The following GPR39 variants were observed in gnomAD, a reference collection of about 807,000 sequenced individuals.
GPR39 encodes zinc sensing receptor.
A neutral mutation model predicts 18.4 loss-of-function variants in GPR39; 23 were observed. That is an observed-to-expected ratio of 1.25 (90% CI 0.90 to 1.77). The LOEUF is 1.77. Among genes scored for constraint, GPR39 ranks in the 40% most tolerant of loss-of-function variants. GPR39 has a pLI of 0.00. For synonymous variants in GPR39, 280 were observed against 257.9 expected (o/e 1.09, Z -0.82); for missense variants, 647 against 602.4 (o/e 1.07, Z -0.78).
chr2:132,423,829 CTG>C (rs1354203237), intron 1 of GPR39, among the ~76,000 whole-genome samples: 1 of 152,224 alleles, frequency 6.6e-6, no homozygotes, highest in African/African-American at 2.4e-5. Context: ...TCCCTCAACA[CTG>C]TACCTCATTC....
At position 132,637,261 on chromosome 2, in the gene GPR39, A is replaced by G. The variant is rs549780362; in HGVS notation, c.857-7840A>G. On this transcript the variant is annotated intron_variant, in intron 1 of 1. Transcript: ENST00000329321. The stretch of plus-strand genomic sequence containing the variant: ...GAAATATGTGTTTGTTATGGTAGTG[A>G]TTGATAGTTTTTCTTCTTGTACTGA... 1.6e-4 allele frequency among the ~76,000 whole-genome samples: 24 copies of G among 152,302 alleles called. No individual in the cohort carries two copies. The South Asian group carries it at 2.5e-3, about 16-fold the overall frequency.
intron 1 of GPR39, among the ~76,000 whole-genome samples, chr2:132,428,646 C>G (rs1246264623): frequency 6.6e-6 from 1 of 152,186 alleles, no homozygotes; most frequent in African/African-American, 2.4e-5. Flanking sequence ...GCATTGTAAG[C>G]AGATCCCTGG....
intron 1 of GPR39, among the ~76,000 whole-genome samples, chr2:132,629,008 T>G (rs1371701463): frequency 1.3e-5 from 2 of 152,158 alleles, no homozygotes; most frequent in African/African-American, 4.8e-5. Context: ...AAGAACAGTA[T>G]CTGGGAGGTT....
chr2:132,617,165 G>T (rs957683246), intron 1 of GPR39, among the ~76,000 whole-genome samples: 1 of 151,946 alleles, frequency 6.6e-6, no homozygotes, highest in Non-Finnish European at 1.5e-5. Context: ...TTCTGATGAT[G>T]GATACTTGGA....
chr2:132,584,272 G>A (rs1338187809), intron 1 of GPR39, among the ~76,000 whole-genome samples: 1 of 152,174 alleles, frequency 6.6e-6, no homozygotes, highest in East Asian at 1.9e-4. Flanking sequence ...ATGTATGCGT[G>A]AAGTCTTAGA....
chr2:132,418,125 A>C (rs540773796), intron 1 of GPR39, among the ~76,000 whole-genome samples: 1 of 152,336 alleles, frequency 6.6e-6, no homozygotes, highest in Admixed American at 6.5e-5. Flanking sequence ...AAAGAGCACG[A>C]GACCAGAACC....
At chr2:132,532,789 T>C (rs1679665586) in intron 1 of GPR39, among the ~76,000 whole-genome samples, 1 of 149,306 alleles carries the variant, frequency 6.7e-6, no homozygotes. Context: ...TTGACAAAAT[T>C]CAACAACCCT....
chr2:132,447,351 G>A (rs1456215723), intron 1 of GPR39, among the ~76,000 whole-genome samples: 1 of 152,210 alleles, frequency 6.6e-6, no homozygotes, highest in Non-Finnish European at 1.5e-5. Context: ...TAAGTGGAAT[G>A]TAAAGAGGAG....
intron 1 of GPR39, among the ~76,000 whole-genome samples, chr2:132,444,593 T>A (rs924592145): frequency 6.6e-6 from 1 of 152,196 alleles, no homozygotes; most frequent in Non-Finnish European, 1.5e-5. Context: ...GGCTATGAGA[T>A]TTTATTCTAA....
At chr2:132,611,597 G>C (rs1348578903) in intron 1 of GPR39, among the ~76,000 whole-genome samples, 1 of 151,100 alleles carries the variant, frequency 6.6e-6, no homozygotes, top group Non-Finnish European at 1.5e-5. Flanking sequence ...CTGCTCCAAA[G>C]GATGCTTGAA....
At chr2:132,517,159 G>C (rs1457781252) in intron 1 of GPR39, among the ~76,000 whole-genome samples, 1 of 152,086 alleles carries the variant, frequency 6.6e-6, no homozygotes, top group Admixed American at 6.5e-5. Context: ...AGGGGTGTGT[G>C]TGTTTGTGTG....
intron 1 of GPR39, among the ~76,000 whole-genome samples, chr2:132,590,097 C>T (rs1558850331): frequency 6.6e-6 from 1 of 152,186 alleles, no homozygotes; most frequent in African/African-American, 2.4e-5. Context: ...TGTTCTTTGA[C>T]ATAATACTGA....
At chr2:132,440,428 C>T (rs191728800) in intron 1 of GPR39, among the ~76,000 whole-genome samples, 2 of 152,176 alleles carry the variant, frequency 1.3e-5, no homozygotes, top group Admixed American at 1.3e-4. Flanking sequence ...CCTTTTTGCT[C>T]CTTCCTAGGG....
intron 1 of GPR39, among the ~76,000 whole-genome samples, chr2:132,641,914 A>G (rs1402213549): frequency 2.0e-5 from 3 of 152,260 alleles, no homozygotes; most frequent in Non-Finnish European, 4.4e-5. Context: ...AAAAAAATAC[A>G]CAGCATGGAT....
intron 1 of GPR39, among the ~76,000 whole-genome samples, chr2:132,582,264 T>G (rs1282960733): frequency 1.3e-5 from 2 of 152,178 alleles, no homozygotes; most frequent in Non-Finnish European, 2.9e-5. Context: ...GGCTATAGAT[T>G]ACAAACAAAA....
chr2:132,543,568 G>A (rs1052086919), intron 1 of GPR39, among the ~76,000 whole-genome samples: 8 of 152,138 alleles, frequency 5.3e-5, no homozygotes, highest in Non-Finnish European at 1.2e-4. Context: ...TAACCCTTAG[G>A]TCACCTGCCT....
At chr2:132,601,876 G>A (rs1317774040) in intron 1 of GPR39, among the ~76,000 whole-genome samples, 3 of 151,960 alleles carry the variant, frequency 2.0e-5, no homozygotes, top group Non-Finnish European at 4.4e-5. Flanking sequence ...TATCTGCAAT[G>A]AAAACTACAA....
intron 1 of GPR39, among the ~76,000 whole-genome samples, chr2:132,477,748 G>C (rs1438849213): frequency 6.6e-6 from 1 of 152,202 alleles, no homozygotes; most frequent in South Asian, 2.1e-4. Context: ...TCTGTGGCAT[G>C]TTACAGACCC....
chr2:132,645,200 T>A lies in GPR39; in HGVS notation c.956T>A (p.Phe319Tyr). The A allele has an allele frequency of 1.2e-6, 2 of 1,614,196 alleles. No individual in the cohort carries two copies. The highest frequency in any genetic ancestry group is 1.7e-6 in the Non-Finnish European group (2 of 1,180,042). ...AAGCACGACTGGACGAGGTCCTACT[T>A]CCGGGCGTACATGATCCTCCTCCCC... The part of the protein sequence containing the change: ...KPKHDWTRSY[F>Y]RAYMILLPFS... The change falls in exon 2 of 2, where the codon TTC (phenylalanine) becomes TAC (tyrosine). Residue 319 changes from phenylalanine to tyrosine, a missense_variant. Physicochemically the swap from Phe to Tyr is conservative, Grantham distance 22. This residue lies in a region of GPR39 where 581 missense variants were observed against 506.8 expected (regional missense o/e 1.15). Transcript: ENST00000329321.
Sources: allele counts gnomAD v4.1 joint callset (sites outside exome capture counted in the v4.1 genomes callset), GRCh38; gene constraint gnomAD v4.1.1; regional missense constraint gnomAD v4.1.1; transcripts MANE v1.5; gene names NCBI Gene and HGNC (gene_info 2026-07-23, HGNC 2026-07-21).